ZNF112: variants seen among roughly 807,000 people sequenced by gnomAD.
ZNF112 encodes the protein zinc finger protein 112.
Under a neutral mutation model 77.7 loss-of-function variants are expected in ZNF112, and 37 were observed. The ratio of observed to expected loss-of-function variants is 0.48; its 90% CI spans 0.37 to 0.63. The LOEUF (loss-of-function observed/expected upper bound fraction) is 0.63, where lower values mean the gene tolerates loss of function less well. Ranked by LOEUF, ZNF112 falls within the 20% of genes least tolerant of loss-of-function variation. ZNF112 has a pLI of 0.00. For missense variants in ZNF112, 950 were observed against 1,077.4 expected (o/e 0.88, Z 1.66); for synonymous variants, 333 against 363.6 (o/e 0.92, Z 0.96).
chr19:44,353,423 G>A (rs930160786), intron 1 of ZNF112, among the ~76,000 whole-genome samples: 1 of 151,968 alleles, frequency 6.6e-6, no homozygotes, highest in African/African-American at 2.4e-5. Context: ...ATTTTGTTCT[G>A]CAAAAGACAC....
At chr19:44,343,159 A>T in intron 1 of ZNF112, 1 of 1,378,620 alleles carries the variant, frequency 7.3e-7, no homozygotes, top group South Asian at 1.4e-5. Context: ...GCCTGTTGTC[A>T]TTCTTTACCC....
intron 1 of ZNF112, among the ~76,000 whole-genome samples, chr19:44,344,057 A>G (rs1439449675): frequency 6.6e-6 from 1 of 152,162 alleles, no homozygotes; most frequent in African/African-American, 2.4e-5. Context: ...AGCTCAGGGG[A>G]AGTTCAGTGG....
Position 44,327,570 on chromosome 19 carries a change from C to T in ZNF112, c.2587G>A (p.Gly863Ser), listed in dbSNP as rs1599905183. Reference sequence around the variant, plus strand: ...AGAAGACCTGAGCTCCAACGGAAACCCTTACCACATGCATCACATTTGTAT... The same window carrying T: ...AGAAGACCTGAGCTCCAACGGAAACTCTTACCACATGCATCACATTTGTAT... ...KPYKCDACGK[G>S]FRWSSGLLIH... The change falls in exon 4 of 4, where the codon GGT (glycine) becomes AGT (serine). Residue 863 changes from glycine to serine, a missense_variant. Transcript: ENST00000354340. The T allele has an allele frequency of 6.2e-7, 1 of 1,613,924 alleles. No individual in the cohort carries two copies. Among genetic ancestry groups the T allele is most frequent in the African/African-American group, 1.3e-5 (1 of 74,900 alleles).
upstream of ZNF112, among the ~76,000 whole-genome samples, chr19:44,361,547 T>A (rs1200753594): frequency 6.6e-6 from 1 of 152,190 alleles, no homozygotes; most frequent in Non-Finnish European, 1.5e-5. Context: ...AGCCAGTCTG[T>A]CAAAGCTACG....
chr19:44,337,838 C>CAA (rs1173342858), intron 2 of ZNF112, among the ~76,000 whole-genome samples: 1 of 75,604 alleles, frequency 1.3e-5, no homozygotes, highest in Non-Finnish European at 2.2e-5. Context: ...TATACATACA[C>CAA]ATACACACAC....
upstream of ZNF112, among the ~76,000 whole-genome samples, chr19:44,359,647 A>C (rs1181676586): frequency 6.6e-6 from 1 of 152,114 alleles, no homozygotes; most frequent in Non-Finnish European, 1.5e-5. Context: ...GCTCTTTCAG[A>C]AATCTAGCTA....
chr19:44,337,414 A>ATAATATATATTATATATATTTTATATAT (rs1455625918), intron 2 of ZNF112, among the ~76,000 whole-genome samples: 559 of 26,782 alleles, frequency 0.021, 54 homozygotes, highest in Middle Eastern at 0.05. Flanking sequence ...TTTTATATAT[A>ATAATATATATTATATATATTTTATATAT]ATAATATATA....
intron 2 of ZNF112, among the ~76,000 whole-genome samples, chr19:44,338,004 T>C (rs1272284241): frequency 6.8e-6 from 1 of 146,562 alleles, no homozygotes; most frequent in Admixed American, 6.8e-5. Context: ...AAAAGATAAT[T>C]CCAGAGCCAA....
chr19:44,336,197 C>A (rs1221284099), intron 3 of ZNF112, among the ~76,000 whole-genome samples: 1 of 152,198 alleles, frequency 6.6e-6, no homozygotes, highest in Non-Finnish European at 1.5e-5. Flanking sequence ...AGGCATCCAT[C>A]AGATGAGAAA....
At chr19:44,344,437 A>G (rs998043475) in intron 1 of ZNF112, among the ~76,000 whole-genome samples, 3 of 152,174 alleles carry the variant, frequency 2.0e-5, no homozygotes, top group Non-Finnish European at 4.4e-5. Context: ...TTCTAGCACC[A>G]CCTCAAAGAG....
chr19:44,339,787 T>C (rs188862035), intron 2 of ZNF112, among the ~76,000 whole-genome samples: 2 of 152,284 alleles, frequency 1.3e-5, no homozygotes, highest in East Asian at 1.9e-4. Flanking sequence ...AATCTTGCAA[T>C]TGGTATCAGA....
At chr19:44,353,208 T>C (rs187894623) in intron 1 of ZNF112, among the ~76,000 whole-genome samples, 1 of 152,056 alleles carries the variant, frequency 6.6e-6, no homozygotes, top group Non-Finnish European at 1.5e-5. Flanking sequence ...TGGTCATTCA[T>C]ATGTAAAGAA....
At position 44,329,775 on chromosome 19, in the gene ZNF112, G is replaced by C; in HGVS notation, c.382C>G (p.Gln128Glu). ...KVFQGKNSQL[Q>E]EQGNSLGQVW... Reference sequence around the variant, plus strand: ...TGGCCGAGGGAATTACCTTGTTCTTGCAACTGAGAATTCTTCCCTTGAAAA... The same window carrying C: ...TGGCCGAGGGAATTACCTTGTTCTTCCAACTGAGAATTCTTCCCTTGAAAA... Residue 128 changes from glutamine (Q) to glutamate (E), a missense_variant, in exon 4 of 4, where the codon CAA becomes GAA. Coordinates refer to ENST00000354340, the MANE Select transcript of ZNF112 (RefSeq NM_013380.4). 6.2e-7 allele frequency: 1 copy of C among 1,613,998 alleles called. No individual in the cohort carries two copies.
intron 2 of ZNF112, among the ~76,000 whole-genome samples, chr19:44,337,837 A>C (rs8109645): frequency 0.12 from 2,616 of 21,638 alleles, 90 homozygotes; most frequent in African/African-American, 0.31. Flanking sequence ...ATATACATAC[A>C]CATACACACA....
At chr19:44,343,435 T>A (rs374452129) in intron 1 of ZNF112, 3 of 687,992 alleles carry the variant, frequency 4.4e-6, no homozygotes, top group Non-Finnish European at 7.1e-6. Context: ...GCAGGTAGCA[T>A]GGGTTGGATT....
In ZNF112 at chr19:44,328,341, C is replaced by A; in HGVS notation, c.1816G>T (p.Glu606Ter). ...CGACTGAAGCCCTTCCCACACTCCT[C>A]ACACTTGTATGGTTTTTCTCCAGTG... ...VHTGEKPYKC[E>*]ECGKGFSRSS... The change falls in exon 4 of 4, where the codon GAG becomes TAG. Residue 606 changes from glutamate (E) to a stop codon, truncating the protein, a stop_gained. Coordinates refer to ENST00000354340, the MANE Select transcript of ZNF112 (RefSeq NM_013380.4). LOFTEE classifies it high-confidence loss of function. 1 of 1,613,844 alleles carries A rather than the reference C, an allele frequency of 6.2e-7. No homozygotes were observed. The highest frequency in any genetic ancestry group is 1.1e-5 in the South Asian group (1 of 91,052).
chr19:44,328,153 G>A lies in ZNF112; in HGVS notation c.2004C>T (p.Phe668=), dbSNP rs1183760673. The change falls in exon 4 of 4, where the codon TTC becomes TTT. Residue 668 remains phenylalanine, a synonymous_variant. Transcript: ENST00000354340. ...PYKCEECGKG[F]SKASTLLAHQ... Reference sequence around the variant, plus strand: ...GGGCCAAAAGTGTTGAGGCCTTACTGAAGCCTTTACCACATTCTTCACATT... The same window carrying A: ...GGGCCAAAAGTGTTGAGGCCTTACTAAAGCCTTTACCACATTCTTCACATT... 6.2e-7 allele frequency: 1 copy of A among 1,614,016 alleles called. No homozygotes were observed. Among genetic ancestry groups the A allele is most frequent in the African/African-American group, 1.3e-5 (1 of 74,992 alleles).
rs75570994 is a variant in ZNF112 at position 44,361,792 on chromosome 19, A to C, written c.17+5289T>G. Reference sequence around the variant, plus strand: ...AATGTAAACCACAGACTTTAATAATAATGTATCAAAATTGGTTCATTAGTT... The same window carrying C: ...AATGTAAACCACAGACTTTAATAATCATGTATCAAAATTGGTTCATTAGTT... On this transcript the variant is annotated intron_variant, in intron 1 of 4. Transcript: ENST00000588057. 6.4e-3 allele frequency among the ~76,000 whole-genome samples: 979 copies of C among 152,310 alleles called. 5 individuals carry two copies. The highest frequency in any genetic ancestry group is 0.011 in the Non-Finnish European group (725 of 68,012).
In ZNF112 at chr19:44,327,733, G is replaced by A; in HGVS notation, c.2424C>T (p.Phe808=). 1 of 1,613,668 alleles carries A rather than the reference G, an allele frequency of 6.2e-7. No individual in the cohort carries two copies. ...GGGCTTGAAGACTTGAATACCCACT[G>A]AAACCCTTACCACACTGTTCACATT... The part of the protein sequence containing the change: ...PYKCEQCGKG[F]SGYSSLQAHH... The change falls in exon 4 of 4, where the codon TTC becomes TTT. Residue 808 remains phenylalanine (F), a synonymous_variant. Transcript: ENST00000354340.
Sources: allele counts gnomAD v4.1 joint callset (sites outside exome capture counted in the v4.1 genomes callset), GRCh38; gene constraint gnomAD v4.1.1; transcripts MANE v1.5; gene names NCBI Gene and HGNC (gene_info 2026-07-23, HGNC 2026-07-21).